HERPUD2: variants seen among roughly 807,000 people sequenced by gnomAD.
The protein encoded by HERPUD2 is HERPUD family member 2, also known as homocysteine-responsive endoplasmic reticulum-resident ubiquitin-like domain member 2 protein.
In HERPUD2, 13 loss-of-function variants were observed where a neutral mutation model predicts 49.9. The observed-to-expected ratio is 0.26, with a 90% CI of 0.17 to 0.41. The LOEUF is 0.41. Ranked by LOEUF, HERPUD2 falls within the 10% of genes least tolerant of loss-of-function variation. The probability of loss-of-function intolerance (pLI) is 1.00; values close to 1 mark genes in which losing one functional copy is unlikely to be tolerated. For missense variants in HERPUD2, 449 were observed against 492.2 expected (o/e 0.91, Z 0.83); for synonymous variants, 172 against 171.4 (o/e 1.00, Z -0.03).
intron 4 of HERPUD2, 59 bp downstream of exon 4, chr7:35,670,156 T>C: frequency 1.2e-6 from 1 of 818,126 alleles, no homozygotes; most frequent in East Asian, 2.7e-5. Context: ...AGGCAAAAAA[T>C]AAGACGACGA....
At chr7:35,676,847 T>C (rs1785770563) in intron 2 of HERPUD2, among the ~76,000 whole-genome samples, 1 of 152,190 alleles carries the variant, frequency 6.6e-6, no homozygotes. Context: ...AATCTCAAAT[T>C]AACAATAACA....
intron 5 of HERPUD2, among the ~76,000 whole-genome samples, chr7:35,650,414 C>CG (rs1461569534): frequency 1.3e-5 from 2 of 152,106 alleles, no homozygotes; most frequent in Non-Finnish European, 2.9e-5. Context: ...GGCCCCGAGA[C>CG]TAACAGGAGA....
At chr7:35,652,332 GAC>G (rs148761324) in intron 5 of HERPUD2, among the ~76,000 whole-genome samples, 11,360 of 152,088 alleles carry the variant, frequency 0.075, 591 homozygotes, top group South Asian at 0.21. Flanking sequence ...CCTGCAAGTT[GAC>G]CACTTCCTGG....
intron 5 of HERPUD2, among the ~76,000 whole-genome samples, chr7:35,660,832 T>C (rs1785402220): frequency 2.0e-5 from 3 of 152,230 alleles, no homozygotes; most frequent in Admixed American, 2.0e-4. Flanking sequence ...GTAGGTTGCC[T>C]GTTCACTCTG....
chr7:35,653,003 A>G lies in HERPUD2; in HGVS notation c.494+14431T>C, dbSNP rs767051404. ...ACCACCAACCACAATGAAAAACAACATGAGAGAAAGAAAGGAAGAAATGCT... is the reference window on the plus strand; with the variant it reads ...ACCACCAACCACAATGAAAAACAACGTGAGAGAAAGAAAGGAAGAAATGCT... On this transcript the variant is annotated intron_variant, in intron 5 of 8. Transcript: ENST00000311350. 3.9e-5 allele frequency among the ~76,000 whole-genome samples: 6 copies of G among 152,278 alleles called. 1 individual carries two copies. The highest frequency in any genetic ancestry group is 6.8e-3 in the Middle Eastern group (2 of 294).
chr7:35,665,718 T>C lies in HERPUD2; in HGVS notation c.494+1716A>G, dbSNP rs139016519. On this transcript the variant is annotated intron_variant, in intron 5 of 8. Transcript: ENST00000311350. ...GAGCTGCAGACTGGAGCTGTTCCTA[T>C]TCGGCCATCTTGGCGCCACCTATTT... 9.4e-3 allele frequency among the ~76,000 whole-genome samples: 1,425 copies of C among 152,344 alleles called. 26 individuals are homozygous for C. The highest frequency in any genetic ancestry group is 0.033 in the African/African-American group (1,352 of 41,572).
In HERPUD2 at chr7:35,691,713, C is replaced by A. The variant is rs199591845; in HGVS notation, c.147+2471G>T. Among the ~76,000 whole-genome samples, 32 of 152,294 alleles carry A rather than the reference C, an allele frequency of 2.1e-4. No individual in the cohort carries two copies. The East Asian group carries it at 6.2e-3, about 29-fold the overall frequency. On this transcript the variant is annotated intron_variant, in intron 2 of 8. Coordinates refer to ENST00000311350, the MANE Select transcript of HERPUD2 (RefSeq NM_022373.5). ...TAGTCATTGCAGGCGGTCAGAAAAA[C>A]CTAAACTTCCTTTATAATATTACTT...
chr7:35,684,762 G>T (rs1447733321), intron 2 of HERPUD2, among the ~76,000 whole-genome samples: 10 of 152,172 alleles, frequency 6.6e-5, no homozygotes, highest in Non-Finnish European at 1.2e-4. Context: ...TGAGAAGGGG[G>T]TGAGGGATAA....
chr7:35,645,703 C>T (rs1032671830), intron 5 of HERPUD2, among the ~76,000 whole-genome samples: 2 of 152,140 alleles, frequency 1.3e-5, no homozygotes, highest in Non-Finnish European at 2.9e-5. Context: ...GTTTCCAAGA[C>T]CCTATCGTGA....
chr7:35,679,481 C>A (rs999916931), intron 2 of HERPUD2, among the ~76,000 whole-genome samples: 30 of 152,240 alleles, frequency 2.0e-4, no homozygotes, highest in African/African-American at 6.7e-4. Context: ...TGCAATAGCA[C>A]CCAGCAAAAG....
At chr7:35,645,372 A>C (rs1293241075) in intron 5 of HERPUD2, among the ~76,000 whole-genome samples, 1 of 152,120 alleles carries the variant, frequency 6.6e-6, no homozygotes, top group Non-Finnish European at 1.5e-5. Context: ...GCTTGAGCCC[A>C]GGAGTTCAGG....
intron 5 of HERPUD2, among the ~76,000 whole-genome samples, chr7:35,664,666 T>C (rs1583556085): frequency 6.6e-6 from 1 of 152,356 alleles, no homozygotes; most frequent in East Asian, 1.9e-4. Flanking sequence ...ATACCCTTTC[T>C]TCCATTTAAT....
chr7:35,634,355 T>C lies in HERPUD2; in HGVS notation c.1016A>G (p.Asn339Ser), dbSNP rs747818254. ...GTTGTTTGCATTTTGCCCATCATTG[T>C]TAACTTCGGCATTATTGTTGGGAGC... ...QQAPNNNAEV[N>S]NDGQNANNLE... Residue 339 changes from asparagine (N) to serine (S), a missense_variant, in exon 8 of 9, where the codon AAC (asparagine) becomes AGC (serine). By Grantham distance (46) the Asn-to-Ser change is conservative. Coordinates refer to ENST00000311350, the MANE Select transcript of HERPUD2 (RefSeq NM_022373.5). The C allele has an allele frequency of 6.2e-7, 1 of 1,613,976 alleles. No homozygotes were observed. The highest frequency in any genetic ancestry group is 8.5e-7 in the Non-Finnish European group (1 of 1,179,862).
chr7:35,673,760 G>T (rs1283201518), intron 2 of HERPUD2, among the ~76,000 whole-genome samples: 2 of 151,874 alleles, frequency 1.3e-5, no homozygotes. Context: ...TACTAATATT[G>T]TGCAGAACAA....
chr7:35,639,196 T>A (rs1410012539), intron 5 of HERPUD2, among the ~76,000 whole-genome samples: 10 of 148,806 alleles, frequency 6.7e-5, no homozygotes, highest in African/African-American at 2.5e-4. Flanking sequence ...ACCTGGCTAA[T>A]TTTTTTTTTG....
At chr7:35,682,238 TACAC>T (rs1185791773) in intron 2 of HERPUD2, among the ~76,000 whole-genome samples, 2 of 111,182 alleles carry the variant, frequency 1.8e-5, no homozygotes, top group African/African-American at 3.9e-5. Context: ...TATAGATATA[TACAC>T]ATACACACGT....
At chr7:35,693,211 T>C (rs1786230735) in intron 2 of HERPUD2, among the ~76,000 whole-genome samples, 2 of 152,214 alleles carry the variant, frequency 1.3e-5, no homozygotes, top group African/African-American at 2.4e-5. Flanking sequence ...TATCCAGTTA[T>C]GATTCAGAAT....
intron 5 of HERPUD2, among the ~76,000 whole-genome samples, chr7:35,639,194 A>G (rs1006655563): frequency 2.6e-5 from 4 of 151,674 alleles, no homozygotes; most frequent in African/African-American, 9.7e-5. Flanking sequence ...ACACCTGGCT[A>G]ATTTTTTTTT....
intron 2 of HERPUD2, among the ~76,000 whole-genome samples, chr7:35,674,400 TATATAGAGAGAGAGAGAG>T (rs1281727368): frequency 2.7e-4 from 16 of 60,188 alleles, no homozygotes; most frequent in East Asian, 1.5e-3. Context: ...TATATATATA[TATATAGAGAGAGAGAGAG>T]AGAGAGAGAG....
Sources: gnomAD v4.1 joint callset for allele counts (sites outside exome capture counted in the v4.1 genomes callset) on GRCh38, gnomAD v4.1.1 for gene constraint, MANE v1.5 for transcripts, NCBI Gene and HGNC (gene_info 2026-07-23, HGNC 2026-07-21) for gene names.